The following CNTNAP2 variants were observed in gnomAD, a reference collection of about 807,000 sequenced individuals.
The protein encoded by CNTNAP2 is contactin associated protein 2.
CNTNAP2 carries 98 observed loss-of-function variants against 155.2 expected under a neutral mutation model. That is an observed-to-expected ratio of 0.63 (90% confidence interval 0.54 to 0.75). CNTNAP2 has a LOEUF of 0.75. Among genes scored for constraint, CNTNAP2 ranks in the 30% least tolerant of loss-of-function variants. The probability of loss-of-function intolerance (pLI) is 0.00; values close to 1 mark genes in which losing one functional copy is unlikely to be tolerated. For missense variants in CNTNAP2, 1,727 were observed against 1,688.1 expected (o/e 1.02, Z -0.40); for synonymous variants, 651 against 631.2 (o/e 1.03, Z -0.47).
At chr7:147,084,425 CT>C (rs367888308) in intron 4 of CNTNAP2, among the ~76,000 whole-genome samples, 2 of 124,446 alleles carry the variant, frequency 1.6e-5, no homozygotes, top group African/African-American at 6.2e-5. Flanking sequence ...ATGCATAATG[CT>C]ATATATGTAT....
chr7:147,518,312 G>GA (rs550541427), intron 11 of CNTNAP2, among the ~76,000 whole-genome samples: 3 of 151,612 alleles, frequency 2.0e-5, no homozygotes, highest in Admixed American at 6.6e-5. Flanking sequence ...AAATTAAGTA[G>GA]AAAAAAAAGG....
At chr7:148,215,645 T>C (rs1013634181) in intron 18 of CNTNAP2, among the ~76,000 whole-genome samples, 1 of 152,104 alleles carries the variant, frequency 6.6e-6, no homozygotes, top group African/African-American at 2.4e-5. Flanking sequence ...TTTGTAATAA[T>C]AGTTCACTAA....
chr7:147,137,909 A>ATAGATAGG (rs201482908), intron 8 of CNTNAP2, among the ~76,000 whole-genome samples: 22 of 140,944 alleles, frequency 1.6e-4, no homozygotes, highest in Admixed American at 1.1e-3. Context: ...AGATAGATAG[A>ATAGATAGG]TAGATAGGTA....
intron 21 of CNTNAP2, among the ~76,000 whole-genome samples, chr7:148,273,342 C>T (rs1251869010): frequency 1.3e-5 from 2 of 152,058 alleles, no homozygotes; most frequent in Non-Finnish European, 2.9e-5. Flanking sequence ...TTTAGGGTTC[C>T]TTGATATAAA....
intron 15 of CNTNAP2, among the ~76,000 whole-genome samples, chr7:148,029,290 G>A (rs967063203): frequency 6.6e-6 from 1 of 152,184 alleles, no homozygotes; most frequent in Non-Finnish European, 1.5e-5. Flanking sequence ...AGCTAGAAAA[G>A]CAGCTATAAT....
At chr7:147,658,125 C>A (rs532102006) in intron 13 of CNTNAP2, among the ~76,000 whole-genome samples, 2 of 143,246 alleles carry the variant, frequency 1.4e-5, no homozygotes, top group East Asian at 2.0e-4. Flanking sequence ...GGCGTAGTGG[C>A]GGGCGCCTGT....
chr7:147,891,413 C>T (rs1023788104), intron 13 of CNTNAP2, among the ~76,000 whole-genome samples: 1 of 152,082 alleles, frequency 6.6e-6, no homozygotes, highest in African/African-American at 2.4e-5. Context: ...CCATATTGGA[C>T]AGGCTGGTCT....
intron 15 of CNTNAP2, among the ~76,000 whole-genome samples, chr7:148,051,340 T>TA (rs1802885435): frequency 6.6e-6 from 1 of 152,134 alleles, no homozygotes; most frequent in East Asian, 1.9e-4. Flanking sequence ...TGAGAGCATT[T>TA]ATGTCCTGGC....
intron 22 of CNTNAP2, among the ~76,000 whole-genome samples, chr7:148,406,150 T>G (rs1382975397): frequency 6.6e-6 from 1 of 151,882 alleles, no homozygotes; most frequent in Non-Finnish European, 1.5e-5. Flanking sequence ...GAGAATGGCG[T>G]GAACCCAGGA....
intron 8 of CNTNAP2, among the ~76,000 whole-genome samples, chr7:147,249,624 A>AAAAAAAAAAAAAAAAAAAAAAAAAAAC (rs2116655705): frequency 6.7e-6 from 1 of 149,954 alleles, no homozygotes; most frequent in South Asian, 2.1e-4. Flanking sequence ...AAAAAAAAAA[A>AAAAAAAAAAAAAAAAAAAAAAAAAAAC]AGGTTTCAGC....
intron 1 of CNTNAP2, among the ~76,000 whole-genome samples, chr7:146,253,050 A>G (rs894538638): frequency 6.6e-6 from 1 of 152,170 alleles, no homozygotes; most frequent in Non-Finnish European, 1.5e-5. Flanking sequence ...ATAGTTAATA[A>G]AAGTATTTTT....
intron 1 of CNTNAP2, among the ~76,000 whole-genome samples, chr7:146,418,811 G>A (rs1016998135): frequency 3.9e-5 from 6 of 152,076 alleles, no homozygotes; most frequent in African/African-American, 1.4e-4. Context: ...AGGTCATTAG[G>A]GTTAATCCTA....
intron 10 of CNTNAP2, among the ~76,000 whole-genome samples, chr7:147,451,601 G>A (rs1797834995): frequency 6.6e-6 from 1 of 151,924 alleles, no homozygotes; most frequent in African/African-American, 2.4e-5. Context: ...AAACATACTG[G>A]ACCCAGGATT....
At chr7:148,177,970 C>A (rs1245330134) in intron 18 of CNTNAP2, among the ~76,000 whole-genome samples, 19 of 149,926 alleles carry the variant, frequency 1.3e-4, no homozygotes, top group Non-Finnish European at 2.9e-5. Flanking sequence ...ATTCATTGAA[C>A]ACCTAATGTG....
At chr7:147,461,661 GA>G (rs1174843570) in intron 10 of CNTNAP2, among the ~76,000 whole-genome samples, 52 of 151,830 alleles carry the variant, frequency 3.4e-4, no homozygotes, top group African/African-American at 1.0e-3. Context: ...TCCTGGGCTT[GA>G]AAAAAAGCTA....
intron 1 of CNTNAP2, among the ~76,000 whole-genome samples, chr7:146,346,956 G>C (rs1794827655): frequency 6.7e-6 from 1 of 149,240 alleles, no homozygotes; most frequent in Non-Finnish European, 1.5e-5. Flanking sequence ...TTTTTTTTTG[G>C]AGCCCCCTTC....
intron 1 of CNTNAP2, among the ~76,000 whole-genome samples, chr7:146,569,116 A>C (rs1211417592): frequency 6.6e-6 from 1 of 152,026 alleles, no homozygotes; most frequent in Non-Finnish European, 1.5e-5. Flanking sequence ...TCCCGGGTTC[A>C]CGCCATTCTC....
chr7:147,271,098 G>A (rs974815394), intron 8 of CNTNAP2, among the ~76,000 whole-genome samples: 29 of 152,128 alleles, frequency 1.9e-4, no homozygotes, highest in African/African-American at 6.0e-4. Flanking sequence ...TAGAATTTAA[G>A]TTTTTAAAAC....
chr7:147,877,048 A>C (rs1039078467), intron 13 of CNTNAP2, among the ~76,000 whole-genome samples: 1 of 152,202 alleles, frequency 6.6e-6, no homozygotes, highest in Non-Finnish European at 1.5e-5. Context: ...TTGGGAAAAA[A>C]GTGGTAGCCA....
Sources: gnomAD v4.1 joint callset for allele counts (sites outside exome capture counted in the v4.1 genomes callset) on GRCh38, gnomAD v4.1.1 for gene constraint, MANE v1.5 for transcripts, NCBI Gene and HGNC (gene_info 2026-07-23, HGNC 2026-07-21) for gene names.